Variants in CAPZB observed in about 807,000 individuals in gnomAD.
CAPZB encodes capping actin protein of muscle Z-line subunit beta, also known as F-actin-capping protein subunit beta.
In CAPZB, 2 loss-of-function variants were observed where a neutral mutation model predicts 38.1. The ratio of observed to expected loss-of-function variants is 0.05; its 90% CI spans 0.02 to 0.17. The LOEUF is 0.17. Among genes scored for constraint, CAPZB ranks in the 10% least tolerant of loss-of-function variants. The probability of loss-of-function intolerance (pLI) is 1.00; values close to 1 mark genes in which losing one functional copy is unlikely to be tolerated. For synonymous variants in CAPZB, 107 were observed against 127.4 expected (o/e 0.84, Z 1.08); for missense variants, 161 against 334.2 (o/e 0.48, Z 4.04).
rs548258839 is a variant in CAPZB, at chr1:19,389,284, C to T, written c.94-3658G>A. On this transcript the variant is annotated intron_variant, in intron 2 of 8. Transcript: ENST00000264202. ...ACGGTCCCATTCACCACTCCCTGAACATGCACGTGCATTCCCCCACTTAAA... is the reference window on the plus strand; with the variant it reads ...ACGGTCCCATTCACCACTCCCTGAATATGCACGTGCATTCCCCCACTTAAA... Among the ~76,000 whole-genome samples, 3 of 152,330 alleles carry T rather than the reference C, an allele frequency of 2.0e-5. No homozygotes were observed. The South Asian group carries it at 6.2e-4, about 32-fold the overall frequency.
chr1:19,442,222 G>C (rs187001285), intron 1 of CAPZB, among the ~76,000 whole-genome samples: 157 of 152,234 alleles, frequency 1.0e-3, no homozygotes, highest in Non-Finnish European at 2.0e-3. Context: ...AAAAGTCAGT[G>C]CTTAGTCCTG....
intron 6 of CAPZB, among the ~76,000 whole-genome samples, chr1:19,345,566 G>C (rs2093955762): frequency 6.6e-6 from 1 of 152,250 alleles, no homozygotes; most frequent in Non-Finnish European, 1.5e-5. Flanking sequence ...GCTCACCCGA[G>C]CCAACTGGAG....
At chr1:19,473,516 T>A (rs1236780775) in intron 1 of CAPZB, among the ~76,000 whole-genome samples, 1 of 152,216 alleles carries the variant, frequency 6.6e-6, no homozygotes, top group Admixed American at 6.5e-5. Flanking sequence ...GATCTGTCCT[T>A]AGTGTGATCA....
At chr1:19,397,623 C>G (rs905637003) in intron 2 of CAPZB, among the ~76,000 whole-genome samples, 1 of 152,174 alleles carries the variant, frequency 6.6e-6, no homozygotes, top group Non-Finnish European at 1.5e-5. Context: ...ACCTCTCATA[C>G]CAGCCACCTA....
chr1:19,351,586 CTAT>C (rs1558176427), intron 6 of CAPZB, among the ~76,000 whole-genome samples: 2 of 152,162 alleles, frequency 1.3e-5, no homozygotes, highest in Non-Finnish European at 2.9e-5. Context: ...AGTGCTGGAA[CTAT>C]TATCTTTCAA....
intron 4 of CAPZB, among the ~76,000 whole-genome samples, chr1:19,368,563 A>G (rs2094103407): frequency 6.7e-6 from 1 of 150,334 alleles, no homozygotes; most frequent in Admixed American, 6.6e-5. Flanking sequence ...GTGACCAGGA[A>G]TCCGGGACAT....
intron 2 of CAPZB, among the ~76,000 whole-genome samples, chr1:19,416,046 C>T (rs979776245): frequency 6.6e-6 from 1 of 152,246 alleles, no homozygotes; most frequent in Non-Finnish European, 1.5e-5. Flanking sequence ...GTGGCCTCCA[C>T]ACAGCCGGTG....
intron 1 of CAPZB, among the ~76,000 whole-genome samples, chr1:19,432,805 T>C (rs1253206872): frequency 6.6e-6 from 1 of 152,098 alleles, no homozygotes; most frequent in African/African-American, 2.4e-5. Flanking sequence ...TGTTAAACAC[T>C]CCCAATGAAA....
At chr1:19,421,185 G>C (rs1472462686) in intron 1 of CAPZB, among the ~76,000 whole-genome samples, 1 of 152,172 alleles carries the variant, frequency 6.6e-6, no homozygotes, top group South Asian at 2.1e-4. Context: ...AATACACAAA[G>C]TAATCCTCAA....
At chr1:19,377,649 CAG>C (rs1470519611) in intron 4 of CAPZB, among the ~76,000 whole-genome samples, 1 of 152,202 alleles carries the variant, frequency 6.6e-6, no homozygotes, top group Non-Finnish European at 1.5e-5. Flanking sequence ...TGGTTCTTGA[CAG>C]AAAAAAGTCT....
At chr1:19,371,136 A>G (rs1490088759) in intron 4 of CAPZB, among the ~76,000 whole-genome samples, 1 of 152,160 alleles carries the variant, frequency 6.6e-6, no homozygotes, top group East Asian at 1.9e-4. Flanking sequence ...GATGATGTGG[A>G]TTGAGCAGGA....
At chr1:19,420,315 C>T (rs756062933) in intron 1 of CAPZB, among the ~76,000 whole-genome samples, 1 of 152,206 alleles carries the variant, frequency 6.6e-6, no homozygotes, top group Non-Finnish European at 1.5e-5. Context: ...AGAGCTCACT[C>T]CACCCAGCAA....
chr1:19,432,042 C>CAAAAAAAAAAAAA (rs10583269), intron 1 of CAPZB, among the ~76,000 whole-genome samples: 10 of 122,540 alleles, frequency 8.2e-5, no homozygotes, highest in Non-Finnish European at 1.3e-4. Context: ...GATCCTGTCT[C>CAAAAAAAAAAAAA]AAAAAAAAAA....
At chr1:19,418,753 T>C (rs1162714093) in intron 2 of CAPZB, among the ~76,000 whole-genome samples, 1 of 152,270 alleles carries the variant, frequency 6.6e-6, no homozygotes, top group Non-Finnish European at 1.5e-5. Context: ...AGCAGTCATA[T>C]ATTTTTCCTA....
At chr1:19,347,803 A>G (rs1028613104) in intron 6 of CAPZB, among the ~76,000 whole-genome samples, 3 of 152,150 alleles carry the variant, frequency 2.0e-5, no homozygotes, top group Non-Finnish European at 4.4e-5. Flanking sequence ...TCAGCTTCCT[A>G]GGAACCCTGT....
chr1:19,382,105 C>T (rs547770414), intron 3 of CAPZB, among the ~76,000 whole-genome samples: 3 of 152,222 alleles, frequency 2.0e-5, no homozygotes, highest in Non-Finnish European at 4.4e-5. Flanking sequence ...ACCCAAGTGG[C>T]GTTCATTTCA....
rs139218103 is a variant in CAPZB, at chr1:19,419,529, T to C, written c.93+132A>G. The C allele has an allele frequency of 6.2e-4, 382 of 620,022 alleles. 1 individual carries two copies. The African/African-American group carries it at 6.3e-3, about 10-fold the overall frequency. The allele number at this position is 620,022 out of a possible 1,614,324, so 38.4% of individuals were successfully genotyped here. Reference sequence around the variant, plus strand: ...CTTCTCTCTGCCTGGAGGAATCTCATAGTCCAGTGGCATGGTCTGCCAGGG... The same window carrying C: ...CTTCTCTCTGCCTGGAGGAATCTCACAGTCCAGTGGCATGGTCTGCCAGGG... On this transcript the variant is annotated intron_variant, in intron 2 of 8. Coordinates refer to ENST00000264202, the MANE Select transcript of CAPZB (RefSeq NM_004930.5).
intron 1 of CAPZB, among the ~76,000 whole-genome samples, chr1:19,427,916 G>T (rs1383465342): frequency 6.6e-6 from 1 of 152,102 alleles, no homozygotes; most frequent in Non-Finnish European, 1.5e-5. Flanking sequence ...TGTTTGTTTT[G>T]TTTTTTAAAA....
intron 1 of CAPZB, among the ~76,000 whole-genome samples, chr1:19,437,995 T>C (rs2094463533): frequency 6.6e-6 from 1 of 152,154 alleles, no homozygotes. Flanking sequence ...ACGATCGTAT[T>C]TGGATGGCCT....
Sources: allele counts gnomAD v4.1 joint callset (sites outside exome capture counted in the v4.1 genomes callset), GRCh38; gene constraint gnomAD v4.1.1; transcripts MANE v1.5; gene names NCBI Gene and HGNC (gene_info 2026-07-23, HGNC 2026-07-21).